Variants in PATJ observed in about 807,000 individuals in gnomAD.
PATJ encodes the protein PATJ crumbs cell polarity complex component.
In PATJ, 190 loss-of-function variants were observed where a neutral mutation model predicts 224.9. The observed-to-expected ratio is 0.84, with a 90% CI of 0.75 to 0.95. The LOEUF (loss-of-function observed/expected upper bound fraction) is 0.95. PATJ is among the 40% of genes least tolerant of loss of function. The pLI, the probability that PATJ is intolerant of heterozygous loss-of-function variation, is 0.00. For missense variants in PATJ, 2,121 were observed against 2,270.3 expected, an observed-to-expected ratio of 0.93 and a Z score of 1.34; for synonymous variants, 769 against 820.3, an observed-to-expected ratio of 0.94 and a Z score of 1.07.
intron 7 of PATJ, among the ~76,000 whole-genome samples, chr1:61,782,785 G>C (rs1183141428): frequency 6.6e-6 from 1 of 152,188 alleles, no homozygotes; most frequent in Non-Finnish European, 1.5e-5. Flanking sequence ...TGTGGCAAGA[G>C]TTAAACATTT....
chr1:61,894,283 CAG>C (rs930062488), intron 22 of PATJ, among the ~76,000 whole-genome samples: 32 of 148,136 alleles, frequency 2.2e-4, no homozygotes, highest in African/African-American at 7.5e-4. Flanking sequence ...AAAAAAAAAA[CAG>C]AGAATTCTAA....
chr1:62,136,015 ATTTTTTTTTT>A (rs374594803), intron 41 of PATJ, among the ~76,000 whole-genome samples: 6 of 63,880 alleles, frequency 9.4e-5, no homozygotes, highest in South Asian at 1.6e-3. Context: ...AGACCATTAG[ATTTTTTTTTT>A]TTTTTTTTTT....
chr1:61,927,612 T>C (rs766646890), intron 26 of PATJ, 118 bp from the exon 27 acceptor site: 1 of 624,158 alleles, frequency 1.6e-6, no homozygotes, highest in Non-Finnish European at 2.8e-6. Flanking sequence ...CCTCATGATA[T>C]GAATGAAGTT....
At chr1:61,956,351 G>A (rs1432589531) in intron 27 of PATJ, among the ~76,000 whole-genome samples, 2 of 152,140 alleles carry the variant, frequency 1.3e-5, no homozygotes, top group Admixed American at 6.5e-5. Flanking sequence ...GGAAATGTAC[G>A]AGCATTTTGT....
chr1:61,865,623 C>T (rs1665298243), intron 20 of PATJ: 1 of 152,108 alleles, frequency 6.6e-6, no homozygotes, highest in South Asian at 2.1e-4. Context: ...TATAGTCAAG[C>T]AGTCACTAAT....
intron 3 of PATJ, among the ~76,000 whole-genome samples, chr1:61,764,508 G>T (rs1292613651): frequency 2.6e-5 from 4 of 151,702 alleles, no homozygotes; most frequent in Non-Finnish European, 5.9e-5. Context: ...GTCAGGGATG[G>T]CAAATTACTT....
intron 27 of PATJ, among the ~76,000 whole-genome samples, chr1:61,952,616 C>T (rs1679882683): frequency 6.6e-6 from 1 of 152,214 alleles, no homozygotes; most frequent in Non-Finnish European, 1.5e-5. Context: ...TTCATGTGCA[C>T]TGTAGTTTGA....
chr1:61,873,539 C>T (rs2149017945), intron 20 of PATJ, among the ~76,000 whole-genome samples: 1 of 152,270 alleles, frequency 6.6e-6, no homozygotes, highest in African/African-American at 2.4e-5. Flanking sequence ...GTCTGTTTGG[C>T]CTGCTATAAC....
chr1:62,071,820 A>G (rs1657475003), intron 31 of PATJ, among the ~76,000 whole-genome samples: 2 of 152,172 alleles, frequency 1.3e-5, no homozygotes, highest in East Asian at 1.9e-4. Flanking sequence ...AAGAGCTAGG[A>G]TCACAGACTC....
At chr1:61,760,697 A>G (rs1377975058) in intron 1 of PATJ, among the ~76,000 whole-genome samples, 15 of 150,008 alleles carry the variant, frequency 1.0e-4, no homozygotes, top group African/African-American at 2.2e-4. Flanking sequence ...GCTCACTGCA[A>G]CCTCCACCTC....
intron 30 of PATJ, among the ~76,000 whole-genome samples, chr1:62,039,797 G>A (rs1421428089): frequency 2.0e-5 from 3 of 152,284 alleles, no homozygotes; most frequent in East Asian, 1.9e-4. Flanking sequence ...AATGAGCAAC[G>A]GGGAGGTCCA....
intron 33 of PATJ, among the ~76,000 whole-genome samples, chr1:62,105,119 C>T (rs1303987222): frequency 6.6e-6 from 1 of 152,146 alleles, no homozygotes; most frequent in Admixed American, 6.5e-5. Context: ...GCATTTGAAA[C>T]TATTAATATA....
intron 41 of PATJ, among the ~76,000 whole-genome samples, chr1:62,144,777 A>AATATATATATATATATAT (rs1553280095): frequency 8.4e-6 from 1 of 119,102 alleles, no homozygotes; most frequent in Non-Finnish European, 1.7e-5. Flanking sequence ...AAAAAAAAAA[A>AATATATATATATATATAT]ATATATATAT....
intron 30 of PATJ, among the ~76,000 whole-genome samples, chr1:62,041,904 G>A (rs999986809): frequency 2.6e-5 from 4 of 151,932 alleles, no homozygotes; most frequent in African/African-American, 4.8e-5. Flanking sequence ...GGAGAATGGC[G>A]TGAACCCGGG....
chr1:62,073,265 G>A, intron 31 of PATJ: 8 of 985,308 alleles, frequency 8.1e-6, no homozygotes, highest in Non-Finnish European at 9.6e-6. Flanking sequence ...CATTGATTCT[G>A]TGCAAGTTGA....
chr1:61,901,202 G>A, intron 23 of PATJ, 80 bp from the exon 24 acceptor site: 1 of 771,804 alleles, frequency 1.3e-6, no homozygotes, highest in Non-Finnish European at 1.9e-6. Context: ...GAGTCACAAG[G>A]ATATGATGCA....
chr1:61,918,492 A>G (rs1673788312), intron 26 of PATJ, among the ~76,000 whole-genome samples: 1 of 151,644 alleles, frequency 6.6e-6, no homozygotes, highest in Admixed American at 6.6e-5. Flanking sequence ...TATATTTTTT[A>G]GTAGAGATGG....
At chr1:62,039,062 T>C in intron 30 of PATJ, 1 of 888,710 alleles carries the variant, frequency 1.1e-6, no homozygotes, top group Admixed American at 1.7e-5. Context: ...AACATTATGA[T>C]CCAGAAGCAT....
chr1:61,825,035 T>C (rs1179459090), intron 15 of PATJ, among the ~76,000 whole-genome samples: 2 of 152,238 alleles, frequency 1.3e-5, no homozygotes. Context: ...TTGGTCTGAA[T>C]TGCCACAGGT....
Sources: gnomAD v4.1 joint callset for allele counts (sites outside exome capture counted in the v4.1 genomes callset) on GRCh38, gnomAD v4.1.1 for gene constraint, MANE v1.5 for transcripts, NCBI Gene and HGNC (gene_info 2026-07-23, HGNC 2026-07-21) for gene names.